WDR75: variants seen among roughly 807,000 people sequenced by gnomAD.
The protein encoded by WDR75 is WD repeat domain 75.
Under a neutral mutation model 106.1 loss-of-function variants are expected in WDR75, and 52 were observed. The observed-to-expected ratio is 0.49, with a 90% CI of 0.39 to 0.62. The LOEUF (loss-of-function observed/expected upper bound fraction) is 0.62. Ranked by LOEUF, WDR75 falls within the 20% of genes least tolerant of loss-of-function variation. The pLI, the probability that WDR75 is intolerant of heterozygous loss-of-function variation, is 0.00. For missense variants in WDR75, 905 were observed against 970.3 expected, an observed-to-expected ratio of 0.93 and a Z score of 0.89; for synonymous variants, 333 against 335.5, an observed-to-expected ratio of 0.99 and a Z score of 0.08.
At chr2:189,473,661 G>A (rs751321303) in intron 18 of WDR75, among the ~76,000 whole-genome samples, 4 of 152,100 alleles carry the variant, frequency 2.6e-5, no homozygotes, top group African/African-American at 4.8e-5. Context: ...CCACCAGCCC[G>A]TCTGGTTTGT....
intron 8 of WDR75, among the ~76,000 whole-genome samples, chr2:189,460,655 C>T (rs1262476261): frequency 7.5e-6 from 1 of 133,484 alleles, no homozygotes. Context: ...CAGGCACGCA[C>T]CACCACGCCC....
intron 13 of WDR75, 125 bp from the exon 14 acceptor site, chr2:189,467,343 A>T: frequency 1.1e-6 from 1 of 918,890 alleles, no homozygotes; most frequent in Middle Eastern, 3.5e-4. Flanking sequence ...TTCAGACCTC[A>T]GTTGACCCCT....
In WDR75 at chr2:189,458,886, T is replaced by G; in HGVS notation, c.689+14T>G. On this transcript the variant is annotated intron_variant, in intron 7 of 20. Transcript: ENST00000314761. Reference sequence around the variant, plus strand: ...AATTCGTCTTTGGTCAGTTTGCTCATGAAGAGCATGGCGATCATTTATGTA... The same window carrying G: ...AATTCGTCTTTGGTCAGTTTGCTCAGGAAGAGCATGGCGATCATTTATGTA... 6.3e-7 allele frequency: 1 copy of G among 1,597,834 alleles called. No individual in the cohort carries two copies. The highest frequency in any genetic ancestry group is 8.5e-7 in the Non-Finnish European group (1 of 1,173,706).
rs746592684 is a variant in WDR75, at chr2:189,465,237, T to C, written c.1272T>C (p.Tyr424=). 8 of 1,612,208 alleles carry C rather than the reference T, an allele frequency of 5.0e-6. No homozygotes were observed. The highest frequency in any genetic ancestry group is 1.7e-5 in the Admixed American group (1 of 59,776). Residue 424 remains tyrosine (Y), a synonymous_variant, in exon 12 of 21, where the codon TAT becomes TAC. Coordinates refer to ENST00000314761, the MANE Select transcript of WDR75 (RefSeq NM_032168.3). The stretch of plus-strand genomic sequence containing the variant: ...AATTGCAAATGAAACTGTGGATGTA[T>C]AATAAGAAAACACAAGGGTAATACT... ...ELELQMKLWM[Y]NKKTQGFILN...
At chr2:189,469,755 A>G (rs556753092) in intron 16 of WDR75, among the ~76,000 whole-genome samples, 4 of 152,166 alleles carry the variant, frequency 2.6e-5, no homozygotes, top group African/African-American at 9.6e-5. Context: ...TTCTTGAAGC[A>G]GTTTCTACAT....
chr2:189,469,323 C>G, intron 15 of WDR75, 21 bp from the exon 16 acceptor site: 1 of 1,576,040 alleles, frequency 6.3e-7, no homozygotes, highest in Non-Finnish European at 8.7e-7. Context: ...AGAAGTGAAT[C>G]ACCTTTGTTT....
chr2:189,449,713 TTG>T, intron 2 of WDR75: 5 of 988,782 alleles, frequency 5.1e-6, no homozygotes, highest in Non-Finnish European at 6.0e-6. Flanking sequence ...TATGTTTGAC[TTG>T]TTACATTTTA....
intron 1 of WDR75, among the ~76,000 whole-genome samples, chr2:189,447,084 G>A (rs1686515585): frequency 6.6e-6 from 1 of 152,098 alleles, no homozygotes; most frequent in Admixed American, 6.5e-5. Context: ...AATTGTTTCT[G>A]GAATTTTCCA....
chr2:189,470,317 T>C (rs1017179452), intron 17 of WDR75, 72 bp downstream of exon 17: 1 of 1,496,554 alleles, frequency 6.7e-7, no homozygotes, highest in African/African-American at 1.4e-5. Context: ...TGACTATTGG[T>C]GTGAGTTTGT....
chr2:189,448,288 A>G (rs1686541731), intron 1 of WDR75, 91 bp from the exon 2 acceptor site: 9 of 1,385,652 alleles, frequency 6.5e-6, no homozygotes, highest in Non-Finnish European at 8.7e-6. Context: ...GTTCAAGACC[A>G]CTGAAACAAT....
At chr2:189,455,675 C>T (rs1291452494) in intron 5 of WDR75, 2 of 333,520 alleles carry the variant, frequency 6.0e-6, no homozygotes, top group Admixed American at 4.6e-5. Context: ...CTCTCTTAGA[C>T]TATGTGTCTT....
chr2:189,447,118 G>C (rs755444231), intron 1 of WDR75, among the ~76,000 whole-genome samples: 64 of 152,180 alleles, frequency 4.2e-4, no homozygotes, highest in South Asian at 1.2e-3. Context: ...GATTGATCTT[G>C]ACTGTAGGTA....
chr2:189,473,961 G>A (rs948939512), intron 18 of WDR75, among the ~76,000 whole-genome samples: 1 of 152,144 alleles, frequency 6.6e-6, no homozygotes, highest in Non-Finnish European at 1.5e-5. Flanking sequence ...AGTGGTAAAT[G>A]CATGTATTAT....
rs368390532 is a variant in WDR75 at position 189,457,299 on chromosome 2, T to C, written c.499-12T>C. 3.2e-6 allele frequency: 5 copies of C among 1,563,578 alleles called. No individual in the cohort carries two copies. The highest frequency in any genetic ancestry group is 4.3e-6 in the Non-Finnish European group (5 of 1,149,870). ...ATTTTTGTGAATGTTTATCTTCTTTTTGAAATACTAGGGAGTATATGTTGC... is the reference window on the plus strand; with the variant it reads ...ATTTTTGTGAATGTTTATCTTCTTTCTGAAATACTAGGGAGTATATGTTGC... On this transcript the variant is annotated splice_polypyrimidine_tract_variant and intron_variant, in intron 5 of 20. Transcript: ENST00000314761.
chr2:189,454,574 T>A (rs1205846352), intron 4 of WDR75, among the ~76,000 whole-genome samples: 4 of 151,786 alleles, frequency 2.6e-5, no homozygotes, highest in Admixed American at 2.0e-4. Flanking sequence ...CAGGCTGGAG[T>A]GCAGTGGCAC....
chr2:189,468,708 A>G, intron 15 of WDR75, 139 bp downstream of exon 15: 1 of 739,326 alleles, frequency 1.4e-6, no homozygotes, highest in Non-Finnish European at 2.2e-6. Context: ...ATATGATGCC[A>G]CCAAAATTTG....
At chr2:189,443,139 A>G (rs564773134) in intron 1 of WDR75, among the ~76,000 whole-genome samples, 156 of 152,354 alleles carry the variant, frequency 1.0e-3, no homozygotes, top group Non-Finnish European at 1.7e-3. Flanking sequence ...TAGTGAGGAA[A>G]AGGAATACTC....
At chr2:189,450,603 C>T in intron 2 of WDR75, 4 of 1,160,178 alleles carry the variant, frequency 3.4e-6, no homozygotes, top group Non-Finnish European at 4.2e-6. Context: ...AGGTGGCAGC[C>T]ACTGCACCTT....
chr2:189,471,756 CCTCTA>C (rs1346531285), intron 18 of WDR75, among the ~76,000 whole-genome samples: 2 of 152,182 alleles, frequency 1.3e-5, no homozygotes, highest in South Asian at 2.1e-4. Flanking sequence ...ATTTGTTTGA[CCTCTA>C]CTCTATTAGT....
Sources: gnomAD v4.1 joint callset for allele counts (sites outside exome capture counted in the v4.1 genomes callset) on GRCh38, gnomAD v4.1.1 for gene constraint, MANE v1.5 for transcripts, NCBI Gene and HGNC (gene_info 2026-07-23, HGNC 2026-07-21) for gene names.